TRAM1: variants seen among roughly 807,000 people sequenced by gnomAD.
TRAM1 encodes translocation associated membrane protein 1.
TRAM1 carries 17 observed loss-of-function variants against 48.7 expected under a neutral mutation model. That is an observed-to-expected ratio of 0.35 (90% CI 0.24 to 0.52). The LOEUF (loss-of-function observed/expected upper bound fraction) is 0.52. Among genes scored for constraint, TRAM1 ranks in the 20% least tolerant of loss-of-function variants. The pLI is 0.94. For synonymous variants in TRAM1, 182 were observed against 154.0 expected (o/e 1.18, Z -1.34); for missense variants, 351 against 441.5 (o/e 0.79, Z 1.84).
Position 70,608,270 on chromosome 8 carries a change from C to T in TRAM1, c.-71G>A. 1 of 1,477,280 alleles carries T rather than the reference C, an allele frequency of 6.8e-7. No homozygotes were observed. The highest frequency in any genetic ancestry group is 9.0e-7 in the Non-Finnish European group (1 of 1,116,614). 91.5% of individuals were successfully genotyped at this position (1,477,280 alleles called of 1,614,324 possible). The stretch of plus-strand genomic sequence containing the variant: ...CTCTTCCCAGCTGCTCACCGACTCG[C>T]CGCCGCCTCCCGCTGGCTGCTCCTC... On this transcript the variant is annotated 5_prime_UTR_variant, in exon 1 of 11. Transcript: ENST00000262213.
At chr8:70,593,479 G>A (rs894188755) in intron 6 of TRAM1, among the ~76,000 whole-genome samples, 4 of 151,024 alleles carry the variant, frequency 2.6e-5, no homozygotes, top group Non-Finnish European at 4.4e-5. Flanking sequence ...TGACATACCC[G>A]TAACTCAATC....
Position 70,608,364 on chromosome 8 carries a change from C to A in TRAM1, c.-165G>T, listed in dbSNP as rs1480602875. On this transcript the variant is annotated 5_prime_UTR_variant, in exon 1 of 11. Coordinates refer to ENST00000262213, the MANE Select transcript of TRAM1 (RefSeq NM_014294.6). ...CACAGCCAGTACGCAGCCGCCGGGC[C>A]GCCCGGGGGAAAAAAAAAAACACAA... The A allele has an allele frequency of 7.5e-6, 5 of 663,196 alleles. No homozygotes were observed. The highest frequency in any genetic ancestry group is 4.3e-5 in the African/African-American group (1 of 23,370). 41.1% of individuals were successfully genotyped at this position (663,196 alleles called of 1,614,324 possible). A position where few individuals can be genotyped will look rare whatever the true frequency, so the allele number is the denominator to read the frequency against.
intron 10 of TRAM1, among the ~76,000 whole-genome samples, chr8:70,576,197 AAG>A (rs1816950036): frequency 6.6e-6 from 1 of 152,184 alleles, no homozygotes; most frequent in African/African-American, 2.4e-5. Context: ...TGTAATTCAC[AAG>A]AGATACAAAT....
At position 70,600,183 on chromosome 8, in the gene TRAM1, C is replaced by T. The variant is rs970074101; in HGVS notation, c.124-101G>A. 4.8e-6 allele frequency: 4 copies of T among 837,516 alleles called. No homozygotes were observed. The African/African-American group carries it at 6.9e-5, about 14-fold the overall frequency. The allele number at this position is 837,516 out of a possible 1,614,324, so 51.9% of individuals were successfully genotyped here. A position where few individuals can be genotyped will look rare whatever the true frequency, so the allele number is the denominator to read the frequency against. ...TAAAATCTGTCCCTAAATCGAAGCA[C>T]CAAGGGCCTCCTCGTTCCTGTGGAA... On this transcript the variant is annotated intron_variant, in intron 1 of 10. Coordinates refer to ENST00000262213, the MANE Select transcript of TRAM1 (RefSeq NM_014294.6).
chr8:70,600,105 A>T (rs1158496349), intron 1 of TRAM1, 23 bp from the exon 2 acceptor site: 2 of 1,601,096 alleles, frequency 1.2e-6, no homozygotes, highest in Non-Finnish European at 1.7e-6. Flanking sequence ...AAAAACAAAG[A>T]TCAAGTCAAT....
chr8:70,607,828 C>T, intron 1 of TRAM1: 1 of 329,434 alleles, frequency 3.0e-6, no homozygotes, highest in Non-Finnish European at 5.3e-6. Context: ...GGGGGCGACG[C>T]GGCGGTCCCC....
intron 5 of TRAM1, among the ~76,000 whole-genome samples, chr8:70,595,742 A>C (rs1375531126): frequency 2.0e-5 from 3 of 152,194 alleles, no homozygotes; most frequent in African/African-American, 7.2e-5. Flanking sequence ...ATAGCAAGGA[A>C]AATTAATATA....
chr8:70,591,273 A>T (rs902767018), intron 6 of TRAM1, among the ~76,000 whole-genome samples: 17 of 152,290 alleles, frequency 1.1e-4, no homozygotes, highest in African/African-American at 3.6e-4. Flanking sequence ...TGCCTGGCTT[A>T]CCATGATTTT....
rs1394889818 is a variant in TRAM1 at position 70,608,295 on chromosome 8, C to T, written c.-96G>A. ...CCGCCGCCTCCCGCTGGCTGCTCCT[C>T]ACGGCCCCGCTGCAGCCGCTCGCTG... On this transcript the variant is annotated 5_prime_UTR_variant, in exon 1 of 11. Transcript: ENST00000262213. 1 of 1,452,014 alleles carries T rather than the reference C, an allele frequency of 6.9e-7. No homozygotes were observed. Among genetic ancestry groups the T allele is most frequent in the African/African-American group, 1.5e-5 (1 of 67,824 alleles). The allele number at this position is 1,452,014 out of a possible 1,614,324, so 89.9% of individuals were successfully genotyped here. A position where few individuals can be genotyped will look rare whatever the true frequency, so the allele number is the denominator to read the frequency against.
At chr8:70,603,843 C>G (rs1438884241) in intron 1 of TRAM1, among the ~76,000 whole-genome samples, 1 of 151,914 alleles carries the variant, frequency 6.6e-6, no homozygotes, top group Non-Finnish European at 1.5e-5. Context: ...ATTTGACCTC[C>G]AGCTGGTTTA....
At chr8:70,593,197 G>A (rs1233076388) in intron 6 of TRAM1, among the ~76,000 whole-genome samples, 1 of 152,066 alleles carries the variant, frequency 6.6e-6, no homozygotes, top group Admixed American at 6.6e-5. Flanking sequence ...ATTTGGTGCT[G>A]TTTTCTAATC....
intron 8 of TRAM1, among the ~76,000 whole-genome samples, chr8:70,585,549 A>C (rs1457367893): frequency 8.4e-6 from 1 of 119,238 alleles, no homozygotes; most frequent in East Asian, 2.4e-4. Context: ...TAATATCCAG[A>C]ATCTACAATG....
rs1817117854 is a variant in TRAM1 at position 70,583,177 on chromosome 8, A to G, written c.1038T>C (p.Ser346=). The change falls in exon 10 of 11, where the codon TCT becomes TCC. Residue 346 remains serine (S), a synonymous_variant. Transcript: ENST00000262213. ...CTGAATACAAACCTGTTCCTTTTTT[A>G]GAAGATCTGCCTTTAGTTACTGTTG... The part of the protein sequence containing the change: ...KKPTVTKGRS[S]KKGTENGVNG... 1 of 1,612,668 alleles carries G rather than the reference A, an allele frequency of 6.2e-7. No homozygotes were observed. The highest frequency in any genetic ancestry group is 8.5e-7 in the Non-Finnish European group (1 of 1,179,622).
At position 70,594,494 on chromosome 8, in the gene TRAM1, A is replaced by G; in HGVS notation, c.570+12T>C. 6.3e-7 allele frequency: 1 copy of G among 1,586,154 alleles called. No individual in the cohort carries two copies. Among genetic ancestry groups the G allele is most frequent in the Non-Finnish European group, 8.5e-7 (1 of 1,171,122 alleles). On this transcript the variant is annotated intron_variant, in intron 6 of 10. Transcript: ENST00000262213. ...ACAAGACATTTTTTAACACTACAAA[A>G]TCCCAGCTTACTTTTTTGGTTTTCT...
intron 10 of TRAM1, among the ~76,000 whole-genome samples, chr8:70,575,531 G>A (rs1049953337): frequency 6.6e-6 from 1 of 151,948 alleles, no homozygotes; most frequent in Non-Finnish European, 1.5e-5. Context: ...TGATGCTCCC[G>A]GGGACCTCAG....
rs1162871330 is a variant in TRAM1 at position 70,583,266 on chromosome 8, T to G, written c.949A>C (p.Asn317His). The G allele has an allele frequency of 2.5e-6, 4 of 1,613,894 alleles. No homozygotes were observed. Among genetic ancestry groups the G allele is most frequent in the Middle Eastern group, 1.6e-4 (1 of 6,080 alleles). Residue 317 changes from asparagine (N) to histidine (H), a missense_variant, in exon 10 of 11, where the codon AAT (asparagine) becomes CAT (histidine). Physicochemically the swap from Asn to His is moderately conservative, Grantham distance 68. Coordinates refer to ENST00000262213, the MANE Select transcript of TRAM1 (RefSeq NM_014294.6). ...TCCCTCCACCTTCGAAGCTGAAAAT[T>G]AATGAACTTCCACATCATAAATGCC... ...TQAFMMWKFI[N>H]FQLRRWREHS...
chr8:70,604,919 T>C (rs1041730077), intron 1 of TRAM1, among the ~76,000 whole-genome samples: 29 of 152,244 alleles, frequency 1.9e-4, no homozygotes, highest in African/African-American at 6.8e-4. Flanking sequence ...CAATTTTTCC[T>C]AACTCAAATA....
intron 6 of TRAM1, among the ~76,000 whole-genome samples, chr8:70,588,640 A>G (rs1817279920): frequency 6.6e-6 from 1 of 152,202 alleles, no homozygotes; most frequent in Admixed American, 6.5e-5. Flanking sequence ...ACATTGTATT[A>G]TGAAAATTGT....
chr8:70,608,227 T>C lies in TRAM1; in HGVS notation c.-28A>G. On this transcript the variant is annotated 5_prime_UTR_variant, in exon 1 of 11. Transcript: ENST00000262213. ...TGGGGCCGCCGCCCGCGCCTGCAGGTGCTCCGCCCCGGTTCTGCTCTTCCC... is the reference window on the plus strand; with the variant it reads ...TGGGGCCGCCGCCCGCGCCTGCAGGCGCTCCGCCCCGGTTCTGCTCTTCCC... 2 of 1,573,772 alleles carry C rather than the reference T, an allele frequency of 1.3e-6. No individual in the cohort carries two copies. The highest frequency in any genetic ancestry group is 1.7e-6 in the Non-Finnish European group (2 of 1,164,066).
Sources: allele counts gnomAD v4.1 joint callset (sites outside exome capture counted in the v4.1 genomes callset), GRCh38; gene constraint gnomAD v4.1.1; transcripts MANE v1.5; gene names NCBI Gene and HGNC (gene_info 2026-07-23, HGNC 2026-07-21).